The following GNB5 variants were observed in gnomAD, a reference collection of about 807,000 sequenced individuals.
The protein encoded by GNB5 is G protein subunit beta 5.
GNB5 carries 37 observed loss-of-function variants against 55.3 expected under a neutral mutation model. The ratio of observed to expected loss-of-function variants is 0.67; its 90% CI spans 0.51 to 0.88. The LOEUF is 0.88. Among genes scored for constraint, GNB5 ranks in the 40% least tolerant of loss-of-function variants. The pLI, the probability that GNB5 is intolerant of heterozygous loss-of-function variation, is 0.00. For synonymous variants in GNB5, 219 were observed against 198.5 expected, an observed-to-expected ratio of 1.10 and a Z score of -0.87; for missense variants, 476 against 515.3, an observed-to-expected ratio of 0.92 and a Z score of 0.74.
intron 6 of GNB5, among the ~76,000 whole-genome samples, chr15:52,142,167 T>C (rs749612381): frequency 1.3e-5 from 2 of 152,234 alleles, no homozygotes; most frequent in Admixed American, 6.5e-5. Context: ...TCTTCCAAGA[T>C]TGGTAAAGCC....
intron 4 of GNB5, among the ~76,000 whole-genome samples, chr15:52,152,885 A>T (rs143832632): frequency 0.023 from 3,505 of 152,314 alleles, 75 homozygotes; most frequent in East Asian, 0.12. Context: ...TTGGCCTCCC[A>T]AAGTGCTAGG....
intron 2 of GNB5, among the ~76,000 whole-genome samples, chr15:52,183,882 T>C (rs2141243275): frequency 6.6e-6 from 1 of 152,356 alleles, no homozygotes; most frequent in Middle Eastern, 3.4e-3. Flanking sequence ...CAGCCACCTC[T>C]GGTGAGGACT....
At chr15:52,158,365 G>A (rs1007117198) in intron 3 of GNB5, among the ~76,000 whole-genome samples, 10 of 152,190 alleles carry the variant, frequency 6.6e-5, no homozygotes, top group Non-Finnish European at 1.3e-4. Flanking sequence ...CCAGCATGGC[G>A]TACAGTGAGT....
At chr15:52,178,247 T>G (rs1176728463) in intron 3 of GNB5, among the ~76,000 whole-genome samples, 1 of 152,176 alleles carries the variant, frequency 6.6e-6, no homozygotes, top group African/African-American at 2.4e-5. Flanking sequence ...CTTTAATTCT[T>G]TGTGCCTCAG....
intron 9 of GNB5, chr15:52,128,454 A>G: frequency 1.6e-6 from 1 of 617,366 alleles, no homozygotes; most frequent in South Asian, 1.9e-5. Flanking sequence ...GGCCTTGCAG[A>G]GTGAGATAAT....
intron 7 of GNB5, chr15:52,139,763 C>A (rs1210194252): frequency 5.9e-6 from 7 of 1,195,706 alleles, no homozygotes; most frequent in Non-Finnish European, 7.5e-6. Context: ...GCTGTGACTT[C>A]CCTTTATCTC....
rs1341100858 is a variant in GNB5 at position 52,117,114 on chromosome 15, T to TTTTTTTTTTTTTTTTTTTTTTGG, written c.*5642_*5643insCCAAAAAAAAAAAAAAAAAAAAA. ...AATATATATATATATTTTTTTTTAG[T>TTTTTTTTTTTTTTTTTTTTTTGG]ACAGACAGGGTTTCACCGTGTTAGC... On this transcript the variant is annotated 3_prime_UTR_variant, in exon 13 of 13. Coordinates refer to ENST00000261837, the MANE Select transcript of GNB5 (RefSeq NM_016194.4). The TTTTTTTTTTTTTTTTTTTTTTGG allele has an allele frequency of 1.2e-5, 1 of 85,598 alleles. No homozygotes were observed. Among genetic ancestry groups the TTTTTTTTTTTTTTTTTTTTTTGG allele is most frequent in the African/African-American group, 5.3e-5 (1 of 18,754 alleles). The allele number at this position is 85,598 out of a possible 1,614,324, so 5.3% of individuals were successfully genotyped here. A position where few individuals can be genotyped will look rare whatever the true frequency, so the allele number is the denominator to read the frequency against.
In GNB5 at chr15:52,135,738, C is replaced by T. The variant is rs2033687065; in HGVS notation, c.646G>A (p.Asp216Asn). 6.2e-7 allele frequency: 1 copy of T among 1,612,490 alleles called. No individual in the cohort carries two copies. Among genetic ancestry groups the T allele is most frequent in the Non-Finnish European group, 8.5e-7 (1 of 1,179,846 alleles). ...ACGTCCCACAGGGCACATGTGCCAT[C>T]GCCGCTCGCTGTCAGGATCTGCCCG... ...SDMQILTASG[D>N]GTCALWDVES... The change falls in exon 8 of 13, where the codon GAT (aspartate) becomes AAT (asparagine). Residue 216 changes from aspartate to asparagine, a missense_variant. Transcript: ENST00000261837.
At chr15:52,149,756 C>A (rs780523016) in intron 5 of GNB5, 128 bp downstream of exon 5, 1 of 745,092 alleles carries the variant, frequency 1.3e-6, no homozygotes, top group Non-Finnish European at 2.4e-6. Context: ...GGTTTCCATC[C>A]GTAGAGGCAA....
At chr15:52,131,164 A>T (rs1426892147) in intron 9 of GNB5, among the ~76,000 whole-genome samples, 6 of 152,232 alleles carry the variant, frequency 3.9e-5, no homozygotes, top group Admixed American at 2.0e-4. Flanking sequence ...GGCCCTCCAT[A>T]GCCATGGATT....
intron 4 of GNB5, 67 bp downstream of exon 4, chr15:52,153,873 A>C: frequency 4.2e-5 from 58 of 1,365,876 alleles, no homozygotes; most frequent in Non-Finnish European, 5.6e-5. Context: ...GGAAAGGGAC[A>C]GCTCTCCTCC....
In GNB5 at chr15:52,149,940, GCAAA is replaced by G; in HGVS notation, c.376-19_376-16del. On this transcript the variant is annotated splice_polypyrimidine_tract_variant and intron_variant, in intron 4 of 12. Transcript: ENST00000261837. The stretch of plus-strand genomic sequence containing the variant: ...ACCTTCCCATCCTGGAGGGAGAAGA[GCAAA>G]CAGTTTAGGGGTTGTCAAGTTCTTA... The G allele has an allele frequency of 2.5e-6, 4 of 1,602,718 alleles. No individual in the cohort carries two copies. Among genetic ancestry groups the G allele is most frequent in the Non-Finnish European group, 3.4e-6 (4 of 1,169,636 alleles).
In GNB5 at chr15:52,116,005, G is replaced by A. The variant is rs952031437; in HGVS notation, c.*6752C>T. On this transcript the variant is annotated 3_prime_UTR_variant, in exon 13 of 13. Coordinates refer to ENST00000261837, the MANE Select transcript of GNB5 (RefSeq NM_016194.4). Reference sequence around the variant, plus strand: ...CATCCATGTTGCAGCATGTGTCCACGCTTTCTTTCTTTGTATTCCATTCTG... The same window carrying A: ...CATCCATGTTGCAGCATGTGTCCACACTTTCTTTCTTTGTATTCCATTCTG... 16 of 152,300 alleles carry A rather than the reference G, an allele frequency of 1.1e-4. No homozygotes were observed. Among genetic ancestry groups the A allele is most frequent in the African/African-American group, 3.8e-4 (16 of 41,560 alleles). The allele number at this position is 152,300 out of a possible 1,614,324, so 9.4% of individuals were successfully genotyped here.
In GNB5 at chr15:52,171,647, C is replaced by G. The variant is rs1276411532; in HGVS notation, c.238+8121G>C. ...AAGAGGATGACTGTAGAGAAACCGA[C>G]TTCTGTAAGCGTCGGTACACAGATC... On this transcript the variant is annotated intron_variant, in intron 3 of 12. Transcript: ENST00000261837. 7.2e-5 allele frequency among the ~76,000 whole-genome samples: 11 copies of G among 152,162 alleles called. 1 individual carries two copies. The highest frequency in any genetic ancestry group is 7.2e-4 in the Admixed American group (11 of 15,270).
intron 5 of GNB5, chr15:52,149,580 T>C (rs767890088): frequency 1.7e-5 from 10 of 582,230 alleles, no homozygotes; most frequent in African/African-American, 3.7e-5. Flanking sequence ...AGAAGACAAA[T>C]AGTACATGCA....
intron 1 of GNB5, among the ~76,000 whole-genome samples, chr15:52,186,459 A>G (rs539638164): frequency 6.6e-6 from 1 of 152,288 alleles, no homozygotes; most frequent in East Asian, 1.9e-4. Flanking sequence ...ATGCTTAGGA[A>G]AGAGAGAAGG....
At chr15:52,179,907 A>AAGCGGAGAGCGG in intron 2 of GNB5, 28 bp from the exon 3 acceptor site, 2 of 1,498,744 alleles carry the variant, frequency 1.3e-6, no homozygotes, top group Non-Finnish European at 1.8e-6. Flanking sequence ...GCGGAGAGGG[A>AAGCGGAGAGCGG]AGCGGAGAGC....
At chr15:52,180,433 G>C (rs1053586088) in intron 2 of GNB5, 1 of 152,322 alleles carries the variant, frequency 6.6e-6, no homozygotes. Flanking sequence ...CAAGGAACCG[G>C]AAACCCTCTT....
chr15:52,116,548 A>G lies in GNB5; in HGVS notation c.*6209T>C, dbSNP rs1041197834. 6 of 151,126 alleles carry G rather than the reference A, an allele frequency of 4.0e-5. No individual in the cohort carries two copies. Among genetic ancestry groups the G allele is most frequent in the Non-Finnish European group, 7.3e-5 (5 of 68,034 alleles). The allele number at this position is 151,126 out of a possible 1,614,324, so 9.4% of individuals were successfully genotyped here. ...ATGTGTAATGATCAGGGTAATTAGC[A>G]TATTAATCCCTTAAATGTCTATCAT... On this transcript the variant is annotated 3_prime_UTR_variant, in exon 13 of 13. Transcript: ENST00000261837.
Sources: gnomAD v4.1 joint callset for allele counts (sites outside exome capture counted in the v4.1 genomes callset) on GRCh38, gnomAD v4.1.1 for gene constraint, MANE v1.5 for transcripts, NCBI Gene and HGNC (gene_info 2026-07-23, HGNC 2026-07-21) for gene names.